The following RASA3 variants were observed in gnomAD, a reference collection of about 807,000 sequenced individuals.
The protein encoded by RASA3 is ras GTPase-activating protein 3.
RASA3 carries 73 observed loss-of-function variants against 110.0 expected under a neutral mutation model. The observed-to-expected ratio is 0.66, with a 90% CI of 0.55 to 0.81. RASA3 has a LOEUF of 0.81. Ranked by LOEUF, RASA3 falls within the 30% of genes least tolerant of loss-of-function variation. The probability of loss-of-function intolerance (pLI) is 0.00; values close to 1 mark genes in which losing one functional copy is unlikely to be tolerated. For synonymous variants in RASA3, 500 were observed against 451.4 expected (o/e 1.11, Z -1.37); for missense variants, 976 against 1,113.2 (o/e 0.88, Z 1.75).
chr13:114,020,535 G>A (rs1219926846), intron 9 of RASA3, among the ~76,000 whole-genome samples: 1 of 152,220 alleles, frequency 6.6e-6, no homozygotes, highest in Non-Finnish European at 1.5e-5. Flanking sequence ...CATGGCAGAG[G>A]GACACATGGG....
chr13:114,049,584 C>T (rs1594387035), intron 3 of RASA3, among the ~76,000 whole-genome samples: 1 of 152,242 alleles, frequency 6.6e-6, no homozygotes, highest in East Asian at 1.9e-4. Flanking sequence ...CCTTCGAGAA[C>T]GAATCAAGTC....
Position 114,021,412 on chromosome 13 carries a change from G to A in RASA3, c.777C>T (p.Tyr259=), listed in dbSNP as rs761211917. ...PLKVLRQSSS[Y]EAWYFLQPRD... is the part of the protein sequence containing the mutation. ...GTGCAACATCATCTTACCACGCCTCGTAGGAGCTGGACTGCCGCAGGACTT... is the reference window on the plus strand; with the variant it reads ...GTGCAACATCATCTTACCACGCCTCATAGGAGCTGGACTGCCGCAGGACTT... Residue 259 remains tyrosine, a synonymous_variant, in exon 9 of 24, where the codon TAC becomes TAT. Transcript: ENST00000334062. 3.5e-5 allele frequency: 56 copies of A among 1,613,696 alleles called. No individual in the cohort carries two copies. The East Asian group carries it at 8.0e-4, about 23-fold the overall frequency.
chr13:114,013,500 T>TCTCC (rs1234479961), intron 14 of RASA3, among the ~76,000 whole-genome samples: 2 of 145,662 alleles, frequency 1.4e-5, no homozygotes, highest in Non-Finnish European at 3.0e-5. Context: ...TCTCTCTCTC[T>TCTCC]CTCCCTCTAT....
chr13:114,082,751 C>T (rs1237961485), intron 1 of RASA3, among the ~76,000 whole-genome samples: 1 of 152,190 alleles, frequency 6.6e-6, no homozygotes, highest in Non-Finnish European at 1.5e-5. Context: ...GGCTGCACCC[C>T]CAGGTGGGTG....
At chr13:114,020,938 G>A (rs2053913922) in intron 9 of RASA3, among the ~76,000 whole-genome samples, 1 of 152,198 alleles carries the variant, frequency 6.6e-6, no homozygotes, top group African/African-American at 2.4e-5. Context: ...TCCCCTACTG[G>A]TGTCAGACCT....
In RASA3 at chr13:114,109,776, C is replaced by T. The variant is rs138518356; in HGVS notation, c.55+22659G>A. ...CCTCCTGCTGTGGCTTCCAAAGAGA[C>T]GTCACCAGAGGCGGGGCTGGCGCAG... On this transcript the variant is annotated intron_variant, in intron 1 of 23. Coordinates refer to ENST00000334062, the MANE Select transcript of RASA3 (RefSeq NM_007368.4). Among the ~76,000 whole-genome samples, 1,505 of 152,188 alleles carry T rather than the reference C, an allele frequency of 9.9e-3. 27 individuals carry two copies. The highest frequency in any genetic ancestry group is 0.035 in the African/African-American group (1,434 of 41,516).
chr13:114,098,613 G>C (rs1448701704), intron 1 of RASA3, among the ~76,000 whole-genome samples: 1 of 152,028 alleles, frequency 6.6e-6, no homozygotes, highest in East Asian at 1.9e-4. Flanking sequence ...CAAGATGTAG[G>C]AAACCCCATG....
chr13:114,116,104 C>G (rs978234380), intron 1 of RASA3, among the ~76,000 whole-genome samples: 1 of 152,216 alleles, frequency 6.6e-6, no homozygotes, highest in African/African-American at 2.4e-5. Flanking sequence ...CCCCTGTGGG[C>G]CTGTGCCCTC....
rs991906757 is a variant in RASA3 at position 113,977,973 on chromosome 13, C to T, written c.*1374G>A. 1.3e-5 allele frequency: 2 copies of T among 152,202 alleles called. No individual in the cohort carries two copies. Among genetic ancestry groups the T allele is most frequent in the Non-Finnish European group, 2.9e-5 (2 of 68,038 alleles). The allele number at this position is 152,202 out of a possible 1,614,324, so 9.4% of individuals were successfully genotyped here. On this transcript the variant is annotated 3_prime_UTR_variant, in exon 24 of 24. Coordinates refer to ENST00000334062, the MANE Select transcript of RASA3 (RefSeq NM_007368.4). Reference sequence around the variant, plus strand: ...CAGTATTTTTGTGACAAGAAAGTTCCTATCTGCCATCTAGATCAAGAGCCT... The same window carrying T: ...CAGTATTTTTGTGACAAGAAAGTTCTTATCTGCCATCTAGATCAAGAGCCT...
chr13:114,109,583 G>C (rs931689796), intron 1 of RASA3, among the ~76,000 whole-genome samples: 2 of 152,212 alleles, frequency 1.3e-5, no homozygotes, highest in Admixed American at 6.5e-5. Context: ...TGAGGGCCGC[G>C]GAGAGGAGAA....
intron 4 of RASA3, among the ~76,000 whole-genome samples, chr13:114,038,286 C>T (rs1323660355): frequency 4.6e-5 from 7 of 152,254 alleles, no homozygotes; most frequent in Non-Finnish European, 2.9e-5. Flanking sequence ...AGCCCCGTCT[C>T]CCGGGCAGCA....
intron 3 of RASA3, among the ~76,000 whole-genome samples, chr13:114,049,352 C>T (rs190682447): frequency 5.9e-5 from 9 of 152,172 alleles, no homozygotes; most frequent in South Asian, 2.1e-4. Context: ...TTCATAGCTG[C>T]GAAAGCCACA....
chr13:114,061,677 A>C (rs1358402351), intron 2 of RASA3, among the ~76,000 whole-genome samples: 1 of 106,890 alleles, frequency 9.4e-6, no homozygotes, highest in Admixed American at 1.3e-4. Context: ...ACTCTGTCTC[A>C]AAAAAAAAAA....
chr13:114,011,681 G>A lies in RASA3; in HGVS notation c.1513-433C>T, dbSNP rs536020786. On this transcript the variant is annotated intron_variant, in intron 15 of 23. Transcript: ENST00000334062. This position sits in a 1 kb window ranked among gnomAD's most constrained non-coding sequence, Gnocchi z 4.8. ...CTCACGCCTGTAATCCCAGCACTTCGGGAGGCCGAGGCAGGTAGATCACTT... is the reference window on the plus strand; with the variant it reads ...CTCACGCCTGTAATCCCAGCACTTCAGGAGGCCGAGGCAGGTAGATCACTT... Among the ~76,000 whole-genome samples the A allele has an allele frequency of 7.6e-4, 115 of 152,146 alleles. No homozygotes were observed. The highest frequency in any genetic ancestry group is 1.4e-3 in the Non-Finnish European group (94 of 67,988).
At chr13:114,075,187 C>T (rs2079648016) in intron 1 of RASA3, among the ~76,000 whole-genome samples, 2 of 152,176 alleles carry the variant, frequency 1.3e-5, no homozygotes, top group African/African-American at 2.4e-5. Context: ...AAATCAAAAA[C>T]GGGAGCAGAG....
At chr13:114,024,735 G>T (rs1416684612) in intron 7 of RASA3, among the ~76,000 whole-genome samples, 2 of 152,230 alleles carry the variant, frequency 1.3e-5, no homozygotes, top group Non-Finnish European at 2.9e-5. Context: ...CGAAGCCAGC[G>T]CCGCCCTCCC....
At chr13:114,074,838 T>C (rs1407720264) in intron 1 of RASA3, among the ~76,000 whole-genome samples, 1 of 152,244 alleles carries the variant, frequency 6.6e-6, no homozygotes, top group African/African-American at 2.4e-5. Flanking sequence ...CAGCTGCGAC[T>C]TCTCTGCTGG....
At chr13:114,020,765 G>C (rs1373112338) in intron 9 of RASA3, among the ~76,000 whole-genome samples, 2 of 152,240 alleles carry the variant, frequency 1.3e-5, no homozygotes, top group African/African-American at 2.4e-5. Flanking sequence ...TTCTGGGTCA[G>C]AGCCGACCAC....
At chr13:114,113,113 G>A (rs752925822) in intron 1 of RASA3, among the ~76,000 whole-genome samples, 4 of 152,208 alleles carry the variant, frequency 2.6e-5, no homozygotes, top group Non-Finnish European at 4.4e-5. Context: ...TCGGCCATAA[G>A]CCACATGCCA....
Sources: gnomAD v4.1 joint callset for allele counts (sites outside exome capture counted in the v4.1 genomes callset) on GRCh38, gnomAD v4.1.1 for gene constraint, Gnocchi (gnomAD v3.1) non-coding constraint, MANE v1.5 for transcripts, NCBI Gene and HGNC (gene_info 2026-07-23, HGNC 2026-07-21) for gene names.